TMX4: variants seen among roughly 807,000 people sequenced by gnomAD.
TMX4 encodes thioredoxin related transmembrane protein 4.
TMX4 carries 23 observed loss-of-function variants against 33.3 expected under a neutral mutation model. The ratio of observed to expected loss-of-function variants is 0.69; its 90% CI spans 0.50 to 0.98. The LOEUF is 0.98. Among genes scored for constraint, TMX4 ranks in the 50% least tolerant of loss-of-function variants. The probability of loss-of-function intolerance (pLI) is 0.00; values close to 1 mark genes in which losing one functional copy is unlikely to be tolerated. For missense variants in TMX4, 399 were observed against 448.9 expected (o/e 0.89, Z 1.01); for synonymous variants, 164 against 161.5 (o/e 1.02, Z -0.12).
At chr20:8,018,923 G>A (rs2050796368) in intron 1 of TMX4, 1 of 407,248 alleles carries the variant, frequency 2.5e-6, no homozygotes, top group East Asian at 1.1e-4. Context: ...GACACAAATG[G>A]CCTGCCTTCA....
Position 7,982,268 on chromosome 20 carries a change from C to T in TMX4, c.1033G>A (p.Ala345Thr), listed in dbSNP as rs763574086. Residue 345 changes from alanine to threonine, a missense_variant, in exon 8 of 8, where the codon GCT becomes ACT. By Grantham distance (58) the Ala-to-Thr change is moderately conservative. Coordinates refer to ENST00000246024, the MANE Select transcript of TMX4 (RefSeq NM_021156.4). ...CATTAAATCTACAGTCCCTTGTCAG[C>T]ATGCTGACTTTTACGCTGCCTCAAG... is the stretch of plus-strand genomic sequence containing the variant. ...DSLRQRKSQH[A>T]DKGL is the part of the protein sequence containing the mutation. The T allele has an allele frequency of 9.3e-6, 15 of 1,613,810 alleles. No individual in the cohort carries two copies. The highest frequency in any genetic ancestry group is 4.5e-5 in the East Asian group (2 of 44,868).
chr20:8,010,095 A>G (rs1158253689), intron 2 of TMX4, 105 bp downstream of exon 2: 1 of 869,774 alleles, frequency 1.1e-6, no homozygotes, highest in East Asian at 2.8e-5. Flanking sequence ...TGGCCAGTTC[A>G]TGGGTAATCA....
At position 7,977,839 on chromosome 20, in the gene TMX4, G is replaced by C. The variant is rs1304398517; in HGVS notation, c.*4412C>G. ...AAGTTGTACGAGTCACACATATACAGTGTCACAGTCTACATAAAGCTTTAC... is the reference window on the plus strand; with the variant it reads ...AAGTTGTACGAGTCACACATATACACTGTCACAGTCTACATAAAGCTTTAC... On this transcript the variant is annotated 3_prime_UTR_variant, in exon 8 of 8. Coordinates refer to ENST00000246024, the MANE Select transcript of TMX4 (RefSeq NM_021156.4). The C allele has an allele frequency of 1.3e-5, 2 of 152,184 alleles. No homozygotes were observed. Among genetic ancestry groups the C allele is most frequent in the Non-Finnish European group, 2.9e-5 (2 of 68,038 alleles). 9.4% of individuals were successfully genotyped at this position (152,184 alleles called of 1,614,324 possible).
chr20:8,019,481 A>T lies in TMX4; in HGVS notation c.133T>A (p.Ser45Thr). ...EQSRVQPMTA[S>T]NWTLVMEGEW... The stretch of plus-strand genomic sequence containing the variant: ...CCCTCCATCACCAGCGTCCAGTTGG[A>T]GGCGGTCATGGGCTGGACCCGGCTC... Residue 45 changes from serine to threonine, a missense_variant, in exon 1 of 8, where the codon TCC becomes ACC. By Grantham distance (58) the Ser-to-Thr change is moderately conservative. Coordinates refer to ENST00000246024, the MANE Select transcript of TMX4 (RefSeq NM_021156.4). 1 of 1,516,692 alleles carries T rather than the reference A, an allele frequency of 6.6e-7. No homozygotes were observed. Among genetic ancestry groups the T allele is most frequent in the Non-Finnish European group, 8.8e-7 (1 of 1,131,790 alleles). The allele number at this position is 1,516,692 out of a possible 1,614,324, so 94.0% of individuals were successfully genotyped here. A position where few individuals can be genotyped will look rare whatever the true frequency, so the allele number is the denominator to read the frequency against.
At chr20:8,016,192 T>C (rs1041394119) in intron 1 of TMX4, among the ~76,000 whole-genome samples, 4 of 152,200 alleles carry the variant, frequency 2.6e-5, no homozygotes, top group African/African-American at 9.6e-5. Context: ...TTAGATCATT[T>C]TTCCTAATTC....
At chr20:8,001,645 G>T in intron 2 of TMX4, 104 bp from the exon 3 acceptor site, 3 of 1,102,824 alleles carry the variant, frequency 2.7e-6, no homozygotes, top group East Asian at 2.7e-5. Context: ...TGCAATTGTT[G>T]ACTCACATTT....
At chr20:7,993,886 G>A (rs1215614352) in intron 5 of TMX4, among the ~76,000 whole-genome samples, 2 of 151,716 alleles carry the variant, frequency 1.3e-5, no homozygotes, top group East Asian at 3.9e-4. Flanking sequence ...CTACAATCAG[G>A]ACAAATGTTT....
chr20:8,011,589 T>G (rs553042179), intron 1 of TMX4, among the ~76,000 whole-genome samples: 1 of 151,716 alleles, frequency 6.6e-6, no homozygotes, highest in Non-Finnish European at 1.5e-5. Context: ...AAAAGATGAG[T>G]CAGGGGTTAA....
chr20:7,984,843 G>A (rs1412246290), intron 6 of TMX4, among the ~76,000 whole-genome samples: 1 of 151,682 alleles, frequency 6.6e-6, no homozygotes, highest in Non-Finnish European at 1.5e-5. Flanking sequence ...TGACTCAGTT[G>A]GTGAGATTAC....
intron 1 of TMX4, among the ~76,000 whole-genome samples, chr20:8,010,848 C>T (rs958100760): frequency 6.6e-6 from 1 of 152,132 alleles, no homozygotes; most frequent in Admixed American, 6.5e-5. Context: ...CCGCTCTACC[C>T]AACACTTTCT....
At chr20:7,986,127 T>C (rs572780067) in intron 6 of TMX4, among the ~76,000 whole-genome samples, 2 of 152,304 alleles carry the variant, frequency 1.3e-5, no homozygotes, top group South Asian at 4.1e-4. Context: ...ATTCTATTTA[T>C]ATCCGGTGTC....
chr20:8,003,478 G>T (rs908330261), intron 2 of TMX4, among the ~76,000 whole-genome samples: 1 of 152,038 alleles, frequency 6.6e-6, no homozygotes, highest in African/African-American at 2.4e-5. Context: ...AATAAATAAA[G>T]AAGTAAATAA....
chr20:7,984,132 G>C (rs2050620661), intron 6 of TMX4, among the ~76,000 whole-genome samples: 1 of 152,192 alleles, frequency 6.6e-6, no homozygotes, highest in South Asian at 2.1e-4. Flanking sequence ...TAAGAAGATA[G>C]ACACTATGAA....
chr20:8,008,453 CTT>C (rs926189475), intron 2 of TMX4, among the ~76,000 whole-genome samples: 19 of 152,048 alleles, frequency 1.2e-4, no homozygotes, highest in African/African-American at 3.6e-4. Context: ...CAATTTCTCT[CTT>C]ATTTCATTAT....
rs531540319 is a variant in TMX4 at position 7,997,749 on chromosome 20, G to A, written c.468-1678C>T. Among the ~76,000 whole-genome samples, 26 of 152,306 alleles carry A rather than the reference G, an allele frequency of 1.7e-4. No individual in the cohort carries two copies. In the East Asian group the frequency reaches 2.3e-3, roughly 14 times the overall value. On this transcript the variant is annotated intron_variant, in intron 4 of 7. Coordinates refer to ENST00000246024, the MANE Select transcript of TMX4 (RefSeq NM_021156.4). Reference sequence around the variant, plus strand: ...ACTGGCCAAAAAGGCACCTCTCTGCGCAAAAATAAAATTGCTTTGCTAAAT... The same window carrying A: ...ACTGGCCAAAAAGGCACCTCTCTGCACAAAAATAAAATTGCTTTGCTAAAT...
At chr20:8,001,425 CA>C in intron 3 of TMX4, 70 bp downstream of exon 3, 1 of 1,461,260 alleles carries the variant, frequency 6.8e-7, no homozygotes, top group Non-Finnish European at 9.4e-7. Flanking sequence ...TCATGGAAGA[CA>C]ACTTAGAATT....
At chr20:8,012,534 A>C (rs1358922206) in intron 1 of TMX4, among the ~76,000 whole-genome samples, 1 of 152,142 alleles carries the variant, frequency 6.6e-6, no homozygotes, top group Non-Finnish European at 1.5e-5. Context: ...AAGGAATATA[A>C]AACTTCAACA....
At chr20:8,009,861 TAAA>T (rs11289988) in intron 2 of TMX4, among the ~76,000 whole-genome samples, 31 of 84,608 alleles carry the variant, frequency 3.7e-4, no homozygotes, top group South Asian at 6.4e-4. Context: ...CAAAAAACTG[TAAA>T]AAAAAAAAAA....
intron 5 of TMX4, among the ~76,000 whole-genome samples, chr20:7,993,812 T>C (rs1339971236): frequency 6.6e-6 from 1 of 151,384 alleles, no homozygotes; most frequent in African/African-American, 2.4e-5. Flanking sequence ...GAGATCAAAA[T>C]AACACTGTAT....
Sources: gnomAD v4.1 joint callset for allele counts (sites outside exome capture counted in the v4.1 genomes callset) on GRCh38, gnomAD v4.1.1 for gene constraint, MANE v1.5 for transcripts, NCBI Gene and HGNC (gene_info 2026-07-23, HGNC 2026-07-21) for gene names.